Variants in UVRAG observed in about 807,000 individuals in gnomAD.
The protein encoded by UVRAG is UV radiation resistance-associated gene protein.
In UVRAG, 19 loss-of-function variants were observed where a neutral mutation model predicts 78.0. The ratio of observed to expected loss-of-function variants is 0.24; its 90% CI spans 0.17 to 0.36. The LOEUF is 0.36. UVRAG is among the 10% of genes least tolerant of loss of function. The probability of loss-of-function intolerance (pLI) is 1.00; values close to 1 mark genes in which losing one functional copy is unlikely to be tolerated. For missense variants in UVRAG, 740 were observed against 853.8 expected (o/e 0.87, Z 1.66); for synonymous variants, 323 against 324.6 (o/e 1.00, Z 0.05).
At position 76,007,594 on chromosome 11, in the gene UVRAG, G is replaced by A; in HGVS notation, c.972G>A (p.Glu324=). The A allele has an allele frequency of 6.2e-7, 1 of 1,613,764 alleles. No homozygotes were observed. Among genetic ancestry groups the A allele is most frequent in the East Asian group, 2.2e-5 (1 of 44,836 alleles). ...TTCGTTGCAGGCAGTTACTCTCTGAGCTTTCCTACATTTACCCTATTGATT... is the reference window on the plus strand; with the variant it reads ...TTCGTTGCAGGCAGTTACTCTCTGAACTTTCCTACATTTACCCTATTGATT... The part of the protein sequence containing the change: ...LTIRCRQLLS[E]LSYIYPIDLN... The change falls in exon 10 of 15, where the codon GAG becomes GAA. Residue 324 remains glutamate (E), a synonymous_variant. Coordinates refer to ENST00000356136, the MANE Select transcript of UVRAG (RefSeq NM_003369.4).
chr11:76,040,681 G>A (rs1301764229), intron 12 of UVRAG, among the ~76,000 whole-genome samples: 1 of 151,804 alleles, frequency 6.6e-6, no homozygotes, highest in Non-Finnish European at 1.5e-5. Flanking sequence ...TCAGCCTCCC[G>A]AGTAGCTGGG....
chr11:75,930,927 T>TTTTCTTTCTCTC (rs1555089488), intron 6 of UVRAG: 1 of 117,404 alleles, frequency 8.5e-6, no homozygotes, highest in African/African-American at 3.2e-5. Context: ...AGTGTCGGGA[T>TTTTCTTTCTCTC]TTTCTTTCTT....
chr11:75,930,486 C>G (rs983469737), intron 6 of UVRAG, among the ~76,000 whole-genome samples: 12 of 152,214 alleles, frequency 7.9e-5, no homozygotes, highest in Non-Finnish European at 1.3e-4. Context: ...CTTACTGATT[C>G]ATTGTATGAT....
chr11:75,892,998 C>T (rs546600342), intron 5 of UVRAG, among the ~76,000 whole-genome samples: 54 of 151,906 alleles, frequency 3.6e-4, no homozygotes, highest in East Asian at 1.5e-3. Context: ...GCCAACGTGG[C>T]GAAACCCCAT....
At chr11:76,082,171 A>G (rs1177489254) in intron 13 of UVRAG, among the ~76,000 whole-genome samples, 1 of 152,192 alleles carries the variant, frequency 6.6e-6, no homozygotes, top group Admixed American at 6.5e-5. Context: ...GGTTTGCTTT[A>G]TAATCCTGAT....
In UVRAG at chr11:75,833,589, T is replaced by C. The variant is rs57784278; in HGVS notation, c.117+18065T>C. Among the ~76,000 whole-genome samples the C allele has an allele frequency of 3.1e-3, 310 of 99,740 alleles. 5 individuals are homozygous for C. In the East Asian group the frequency reaches 0.057, roughly 18 times the overall value. 65.4% of individuals were successfully genotyped at this position (99,740 alleles called of 152,430 possible). Reference sequence around the variant, plus strand: ...GCTAGAGGAATTAAAGACACACACATAGAGAAATATAGAGGTGTGGAGCTG... The same window carrying C: ...GCTAGAGGAATTAAAGACACACACACAGAGAAATATAGAGGTGTGGAGCTG... On this transcript the variant is annotated intron_variant, in intron 1 of 14. Coordinates refer to ENST00000356136, the MANE Select transcript of UVRAG (RefSeq NM_003369.4).
intron 12 of UVRAG, among the ~76,000 whole-genome samples, chr11:76,022,943 T>C (rs1565124318): frequency 2.0e-5 from 3 of 152,158 alleles, no homozygotes; most frequent in Non-Finnish European, 1.5e-5. Flanking sequence ...AGATTTTTTA[T>C]GGTTATGATG....
At chr11:76,031,048 G>C (rs573261198) in intron 12 of UVRAG, among the ~76,000 whole-genome samples, 148 of 152,206 alleles carry the variant, frequency 9.7e-4, no homozygotes, top group Non-Finnish European at 1.4e-3. Context: ...TCTTGAATTA[G>C]GAGAGTAAAA....
At chr11:76,098,062 T>G (rs1044035486) in intron 13 of UVRAG, among the ~76,000 whole-genome samples, 4 of 152,158 alleles carry the variant, frequency 2.6e-5, no homozygotes, top group Admixed American at 2.6e-4. Context: ...GTTTGTTTGT[T>G]TTTTTGTTTT....
intron 1 of UVRAG, among the ~76,000 whole-genome samples, chr11:75,838,536 A>C (rs548414859): frequency 2.6e-5 from 4 of 151,836 alleles, no homozygotes; most frequent in East Asian, 3.9e-4. Context: ...CTCTCTCTCT[A>C]TATATAGAGT....
chr11:75,975,168 A>G (rs1949211401), intron 7 of UVRAG, among the ~76,000 whole-genome samples: 1 of 152,144 alleles, frequency 6.6e-6, no homozygotes, highest in African/African-American at 2.4e-5. Flanking sequence ...CAAAGATCAG[A>G]TGGTTGTAGA....
chr11:76,054,828 G>A lies in UVRAG; in HGVS notation c.1227-10882G>A, dbSNP rs141744593. On this transcript the variant is annotated intron_variant, in intron 12 of 14. Coordinates refer to ENST00000356136, the MANE Select transcript of UVRAG (RefSeq NM_003369.4). The stretch of plus-strand genomic sequence containing the variant: ...ATTTTGTTCACTGTGTTAGCACCTA[G>A]AAGAGTGCCTATCACAAGGTGATGA... Among the ~76,000 whole-genome samples the A allele has an allele frequency of 3.7e-3, 562 of 152,298 alleles. 3 individuals carry two copies. Among genetic ancestry groups the A allele is most frequent in the African/African-American group, 0.013 (524 of 41,566 alleles).
chr11:75,818,320 G>A (rs1270141366), intron 1 of UVRAG, among the ~76,000 whole-genome samples: 1 of 151,332 alleles, frequency 6.6e-6, no homozygotes, highest in African/African-American at 2.4e-5. Flanking sequence ...ATCTGTGTAT[G>A]TCTAATGTTT....
chr11:76,071,304 AG>A (rs1951303136), intron 13 of UVRAG, among the ~76,000 whole-genome samples: 1 of 152,240 alleles, frequency 6.6e-6, no homozygotes, highest in Non-Finnish European at 1.5e-5. Context: ...GCTAAGGAAC[AG>A]AAAGTTCCTG....
chr11:76,098,604 A>G (rs1468209483), intron 13 of UVRAG, among the ~76,000 whole-genome samples: 1 of 152,194 alleles, frequency 6.6e-6, no homozygotes, highest in Non-Finnish European at 1.5e-5. Context: ...TCATTGTTTA[A>G]TAAGTGTGGC....
chr11:75,965,135 A>T (rs1006805683), intron 7 of UVRAG, among the ~76,000 whole-genome samples: 1 of 152,134 alleles, frequency 6.6e-6, no homozygotes, highest in Non-Finnish European at 1.5e-5. Context: ...CACAAAAAAA[A>T]GGTCTGATGG....
At chr11:75,936,249 A>G in intron 6 of UVRAG, among the ~76,000 whole-genome samples, 1 of 152,250 alleles carries the variant, frequency 6.6e-6, no homozygotes, top group African/African-American at 2.4e-5. Context: ...TTAACCTTTT[A>G]GACTTTGCAA....
At chr11:75,937,373 A>G (rs112037907) in intron 6 of UVRAG, among the ~76,000 whole-genome samples, 1 of 151,850 alleles carries the variant, frequency 6.6e-6, no homozygotes, top group African/African-American at 2.4e-5. Context: ...CATTTCATTT[A>G]TTTTCGTCTG....
intron 3 of UVRAG, among the ~76,000 whole-genome samples, chr11:75,864,272 C>T (rs1024328177): frequency 3.3e-5 from 5 of 152,086 alleles, no homozygotes; most frequent in Non-Finnish European, 7.4e-5. Flanking sequence ...CCCAGGCTGG[C>T]CTGGAACTCC....
Sources: allele counts gnomAD v4.1 joint callset (sites outside exome capture counted in the v4.1 genomes callset), GRCh38; gene constraint gnomAD v4.1.1; transcripts MANE v1.5; gene names NCBI Gene and HGNC (gene_info 2026-07-23, HGNC 2026-07-21).